The following SMCO1 variants were observed in gnomAD, a reference collection of about 807,000 sequenced individuals.
SMCO1 encodes the protein single-pass membrane and coiled-coil domain-containing protein 1.
In SMCO1, 9 loss-of-function variants were observed where a neutral mutation model predicts 7.5. The ratio of observed to expected loss-of-function variants is 1.20; its 90% CI spans 0.72 to 2.09. The LOEUF is 2.09. SMCO1 is among the 30% of genes most tolerant of loss of function. The pLI is 0.00. For synonymous variants in SMCO1, 90 were observed against 93.8 expected (o/e 0.96, Z 0.23); for missense variants, 219 against 253.1 (o/e 0.87, Z 0.91).
chr3:196,515,195 G>A lies in SMCO1; in HGVS notation c.15C>T (p.Thr5=). The change falls in exon 1 of 3, where the codon ACC becomes ACT. Residue 5 remains threonine (T), a synonymous_variant. Transcript: ENST00000397537. MNNE[T]TTLISLKEAM... ...CCTCCTTCAAGGATATCAGGGTTGTGGTTTCATTGTTCATCTTCTGAAGGC... is the reference window on the plus strand; with the variant it reads ...CCTCCTTCAAGGATATCAGGGTTGTAGTTTCATTGTTCATCTTCTGAAGGC... 6.2e-7 allele frequency: 1 copy of A among 1,613,434 alleles called. No individual in the cohort carries two copies.
At chr3:196,509,332 G>A (rs749077368) in intron 2 of SMCO1, among the ~76,000 whole-genome samples, 188 bp downstream of exon 2, 4 of 151,212 alleles carry the variant, frequency 2.6e-5, no homozygotes, top group Non-Finnish European at 5.9e-5. Context: ...CCAAAGTGCT[G>A]GGATTACAGG....
intron 2 of SMCO1, among the ~76,000 whole-genome samples, chr3:196,509,283 C>T (rs1733150350): frequency 6.9e-6 from 1 of 143,966 alleles, no homozygotes; most frequent in Non-Finnish European, 1.5e-5. Context: ...CCAGGGTGGT[C>T]TCGATCTCCT....
chr3:196,517,755 T>A (rs555595492), upstream of SMCO1, among the ~76,000 whole-genome samples: 1 of 152,140 alleles, frequency 6.6e-6, no homozygotes, highest in Admixed American at 6.5e-5. Context: ...CTGCAACCTC[T>A]GCCTCCCAGG....
upstream of SMCO1, among the ~76,000 whole-genome samples, chr3:196,517,973 A>G (rs896256594): frequency 2.0e-5 from 3 of 152,254 alleles, no homozygotes; most frequent in African/African-American, 4.8e-5. Context: ...ACCTGCAAGC[A>G]TTGATTTGCA....
intron 2 of SMCO1, among the ~76,000 whole-genome samples, chr3:196,508,955 A>AAAAG (rs1733136276): frequency 7.7e-6 from 1 of 130,090 alleles, no homozygotes; most frequent in African/African-American, 4.4e-5. Flanking sequence ...AAAAAAAAAG[A>AAAAG]AAAAAAAATT....
the SMCO1 span, among the ~76,000 whole-genome samples, chr3:196,520,622 G>A: frequency 1.3e-5 from 2 of 152,272 alleles, no homozygotes; most frequent in South Asian, 2.1e-4. Flanking sequence ...GAGACAAGCC[G>A]ATTTTCTGAC....
upstream of SMCO1, among the ~76,000 whole-genome samples, chr3:196,516,846 C>T (rs1386723473): frequency 6.6e-6 from 1 of 152,004 alleles, no homozygotes; most frequent in African/African-American, 2.4e-5. Context: ...CACCTGTAAT[C>T]CCAACATTTT....
upstream of SMCO1, among the ~76,000 whole-genome samples, chr3:196,520,116 A>G (rs373013895): frequency 6.6e-6 from 1 of 152,194 alleles, no homozygotes; most frequent in South Asian, 2.1e-4. Context: ...ACTTTGAAGA[A>G]AAAGCACCTC....
At chr3:196,519,319 G>A (rs961236154), upstream of SMCO1, among the ~76,000 whole-genome samples, 1 of 152,144 alleles carries the variant, frequency 6.6e-6, no homozygotes, top group African/African-American at 2.4e-5. Flanking sequence ...GCGAGCACGT[G>A]GTATATTTAA....
upstream of SMCO1, among the ~76,000 whole-genome samples, chr3:196,517,733 G>A (rs557504180): frequency 6.6e-5 from 10 of 152,236 alleles, no homozygotes; most frequent in South Asian, 1.7e-3. Flanking sequence ...GCAGTGGCAT[G>A]ATCTGGGCTC....
At chr3:196,515,120 G>T (rs779743415) in intron 1 of SMCO1, 40 bp downstream of exon 1, 3 of 1,607,850 alleles carry the variant, frequency 1.9e-6, no homozygotes, top group Non-Finnish European at 2.6e-6. Flanking sequence ...TCCCAGAATA[G>T]CAGACCCATG....
upstream of SMCO1, among the ~76,000 whole-genome samples, chr3:196,517,104 CAAAAAAAA>C (rs56104987): frequency 8.1e-3 from 289 of 35,640 alleles, 1 homozygote; most frequent in African/African-American, 0.045. Flanking sequence ...GACTCCATCG[CAAAAAAAA>C]AAAAAAAAAA....
At chr3:196,520,220 C>A (rs1230373782), upstream of SMCO1, among the ~76,000 whole-genome samples, 1 of 152,286 alleles carries the variant, frequency 6.6e-6, no homozygotes, top group East Asian at 1.9e-4. Flanking sequence ...TCCAAAAATT[C>A]GATCTTTTCT....
upstream of SMCO1, among the ~76,000 whole-genome samples, chr3:196,519,376 C>T (rs544769517): frequency 2.0e-5 from 3 of 152,240 alleles, no homozygotes; most frequent in Non-Finnish European, 4.4e-5. Flanking sequence ...CTGTAAGACA[C>T]GTTGGTCCAC....
At chr3:196,520,050 C>T (rs980122523), upstream of SMCO1, among the ~76,000 whole-genome samples, 24 of 152,154 alleles carry the variant, frequency 1.6e-4, no homozygotes, top group African/African-American at 5.6e-4. Context: ...AGACCATCTA[C>T]GACCTGCACT....
At chr3:196,519,311 G>A (rs1013406656), upstream of SMCO1, among the ~76,000 whole-genome samples, 4 of 152,186 alleles carry the variant, frequency 2.6e-5, no homozygotes, top group Non-Finnish European at 5.9e-5. Context: ...GTCCTCGTGC[G>A]AGCACGTGGT....
chr3:196,515,552 C>T (rs930969714), upstream of SMCO1, among the ~76,000 whole-genome samples: 10 of 152,048 alleles, frequency 6.6e-5, no homozygotes, highest in African/African-American at 1.7e-4. Flanking sequence ...GATACATTAA[C>T]GTAACGTATA....
intron 1 of SMCO1, among the ~76,000 whole-genome samples, chr3:196,513,807 A>C (rs1733314083): frequency 6.6e-6 from 1 of 152,208 alleles, no homozygotes; most frequent in Admixed American, 6.5e-5. Flanking sequence ...ACCAAAGGAC[A>C]GTCCGAGGCC....
upstream of SMCO1, among the ~76,000 whole-genome samples, chr3:196,515,608 A>G (rs1308272082): frequency 6.6e-6 from 1 of 152,184 alleles, no homozygotes; most frequent in Non-Finnish European, 1.5e-5. Context: ...TAACTGCTTC[A>G]TTATTCAATT....
Sources: allele counts gnomAD v4.1 joint callset (sites outside exome capture counted in the v4.1 genomes callset), GRCh38; gene constraint gnomAD v4.1.1; transcripts MANE v1.5; gene names NCBI Gene and HGNC (gene_info 2026-07-23, HGNC 2026-07-21).